Variants in TBC1D32 observed in about 807,000 individuals in gnomAD.
The protein encoded by TBC1D32 is protein broad-minded.
Under a neutral mutation model 170.3 loss-of-function variants are expected in TBC1D32, and 151 were observed. That is an observed-to-expected ratio of 0.89 (90% CI 0.78 to 1.01). The LOEUF is 1.01. Ranked by LOEUF, TBC1D32 falls within the 50% of genes least tolerant of loss-of-function variation. The pLI is 0.00. For synonymous variants in TBC1D32, 498 were observed against 488.0 expected, an observed-to-expected ratio of 1.02 and a Z score of -0.27; for missense variants, 1,464 against 1,457.1, an observed-to-expected ratio of 1.00 and a Z score of -0.08.
intron 11 of TBC1D32, among the ~76,000 whole-genome samples, chr6:121,293,499 C>T (rs554636809): frequency 2.0e-5 from 3 of 152,196 alleles, no homozygotes; most frequent in Non-Finnish European, 4.4e-5. Flanking sequence ...TTACTATATG[C>T]TTAAGGAAAC....
intron 31 of TBC1D32, 67 bp downstream of exon 31, chr6:121,090,786 A>G: frequency 7.1e-7 from 1 of 1,413,132 alleles, no homozygotes. Flanking sequence ...TAGAAAAAGT[A>G]TCTAATATTA....
intron 20 of TBC1D32, among the ~76,000 whole-genome samples, chr6:121,230,113 G>A (rs1327813729): frequency 6.6e-6 from 1 of 152,014 alleles, no homozygotes; most frequent in Non-Finnish European, 1.5e-5. Context: ...TCATAGTAGT[G>A]AAAATGGACC....
intron 15 of TBC1D32, among the ~76,000 whole-genome samples, chr6:121,277,106 A>G (rs1370145176): frequency 6.6e-6 from 1 of 152,178 alleles, no homozygotes; most frequent in African/African-American, 2.4e-5. Context: ...GCTTACAGAG[A>G]TAATTCACTA....
intron 20 of TBC1D32, among the ~76,000 whole-genome samples, chr6:121,237,716 T>C (rs1176911481): frequency 6.6e-6 from 1 of 152,046 alleles, no homozygotes; most frequent in Non-Finnish European, 1.5e-5. Flanking sequence ...TACATAGTTT[T>C]ATTTCTCTAC....
At chr6:121,299,674 C>G (rs1806173829) in intron 9 of TBC1D32, among the ~76,000 whole-genome samples, 169 bp from the exon 10 acceptor site, 1 of 152,130 alleles carries the variant, frequency 6.6e-6, no homozygotes, top group Non-Finnish European at 1.5e-5. Context: ...AGGAGCAAAG[C>G]AATCACAAGA....
chr6:121,112,773 T>G (rs888076868), intron 28 of TBC1D32, 114 bp from the exon 29 acceptor site: 1 of 981,160 alleles, frequency 1.0e-6, no homozygotes, highest in African/African-American at 1.7e-5. Context: ...TTATTCTGAA[T>G]TTATGAAACT....
chr6:121,239,571 T>C (rs1796694798), intron 19 of TBC1D32, among the ~76,000 whole-genome samples: 1 of 152,054 alleles, frequency 6.6e-6, no homozygotes, highest in African/African-American at 2.4e-5. Context: ...GACTGTGTTT[T>C]TCAGAGGTGA....
At chr6:121,330,899 C>A (rs57670849) in intron 1 of TBC1D32, among the ~76,000 whole-genome samples, 5,395 of 152,228 alleles carry the variant, frequency 0.035, 267 homozygotes, top group African/African-American at 0.1. Context: ...TCCCACCAGG[C>A]CTCAAATCCT....
chr6:121,086,872 C>T (rs761718516), intron 31 of TBC1D32, among the ~76,000 whole-genome samples: 9 of 152,122 alleles, frequency 5.9e-5, no homozygotes, highest in South Asian at 2.1e-4. Flanking sequence ...TGTGTGTATG[C>T]GCGCTACAGA....
chr6:121,154,859 ATG>A (rs1372972371), intron 24 of TBC1D32, among the ~76,000 whole-genome samples: 2 of 152,134 alleles, frequency 1.3e-5, no homozygotes, highest in Non-Finnish European at 2.9e-5. Context: ...TTATTGGTCT[ATG>A]TGTCTGTTTC....
Position 121,304,818 on chromosome 6 carries a change from A to C in TBC1D32, c.706T>G (p.Phe236Val), listed in dbSNP as rs757627247. 1 of 1,609,618 alleles carries C rather than the reference A, an allele frequency of 6.2e-7. No individual in the cohort carries two copies. Among genetic ancestry groups the C allele is most frequent in the South Asian group, 1.1e-5 (1 of 90,058 alleles). ...DPVFSDRILK[F>V]CAQTFLLSPL... ...GAAAGCAAAAATGTCTGTGCACAGA[A>C]TTTTAAAATCCGGTCCTACGGAAAT... Residue 236 changes from phenylalanine (F) to valine (V), a missense_variant, in exon 6 of 32, where the codon TTC becomes GTC. Coordinates refer to ENST00000398212, the MANE Select transcript of TBC1D32 (RefSeq NM_152730.6).
In TBC1D32 at chr6:121,334,328, A is replaced by C; in HGVS notation, c.103T>G (p.Cys35Gly). The C allele has an allele frequency of 6.2e-7, 1 of 1,614,042 alleles. No homozygotes were observed. The highest frequency in any genetic ancestry group is 8.5e-7 in the Non-Finnish European group (1 of 1,179,976). Residue 35 changes from cysteine (C) to glycine (G), a missense_variant, in exon 1 of 32, where the codon TGT (cysteine) becomes GGT (glycine). Cys to Gly is a radical substitution (Grantham distance 159). This residue lies in a region of TBC1D32 where 1,363 missense variants were observed against 1,338.1 expected (regional missense o/e 1.02). Coordinates refer to ENST00000398212, the MANE Select transcript of TBC1D32 (RefSeq NM_152730.6). ...AGATGTAAAAGAATCTCTTCGGCAC[A>C]CTCCAGGGAAGGGGCACCCGTGATT... ...EKITGAPSLE[C>G]AEEILLHLEE...
chr6:121,144,667 C>G (rs1237624218), intron 24 of TBC1D32, among the ~76,000 whole-genome samples: 1 of 151,882 alleles, frequency 6.6e-6, no homozygotes, highest in Non-Finnish European at 1.5e-5. Flanking sequence ...GTCAAGTAGA[C>G]AGTTTAATAC....
At chr6:121,130,503 A>G (rs1781327062) in intron 25 of TBC1D32, among the ~76,000 whole-genome samples, 1 of 152,088 alleles carries the variant, frequency 6.6e-6, no homozygotes. Context: ...AAAGTAATAA[A>G]TAACTGAGGT....
intron 24 of TBC1D32, among the ~76,000 whole-genome samples, chr6:121,143,460 C>T (rs1582946771): frequency 6.6e-6 from 1 of 152,246 alleles, no homozygotes; most frequent in East Asian, 1.9e-4. Flanking sequence ...GGCAATCTAA[C>T]AGATGAGATG....
chr6:121,198,984 G>A (rs1030334918), intron 22 of TBC1D32, among the ~76,000 whole-genome samples: 26 of 151,280 alleles, frequency 1.7e-4, no homozygotes, highest in East Asian at 1.9e-4. Flanking sequence ...TAGCAAAGAC[G>A]CAATAAATAT....
intron 5 of TBC1D32, among the ~76,000 whole-genome samples, chr6:121,306,696 C>T (rs1276375796): frequency 1.3e-5 from 2 of 152,144 alleles, no homozygotes; most frequent in Non-Finnish European, 2.9e-5. Context: ...ATAGATACTA[C>T]CTGTAGAATT....
chr6:121,093,539 G>C (rs1273686359), intron 30 of TBC1D32, among the ~76,000 whole-genome samples: 1 of 152,158 alleles, frequency 6.6e-6, no homozygotes, highest in Non-Finnish European at 1.5e-5. Context: ...CACAGCTAGA[G>C]AAAACAGTTC....
intron 13 of TBC1D32, among the ~76,000 whole-genome samples, chr6:121,282,957 A>C (rs981305002): frequency 2.0e-5 from 3 of 151,754 alleles, no homozygotes; most frequent in African/African-American, 7.2e-5. Context: ...AAAAACTATT[A>C]GTTTCATATT....
Sources: allele counts gnomAD v4.1 joint callset (sites outside exome capture counted in the v4.1 genomes callset), GRCh38; gene constraint gnomAD v4.1.1; regional missense constraint gnomAD v4.1.1; transcripts MANE v1.5; gene names NCBI Gene and HGNC (gene_info 2026-07-23, HGNC 2026-07-21).